Variants in DNASE1L3 observed in about 807,000 individuals in gnomAD.
DNASE1L3 encodes deoxyribonuclease gamma.
Under a neutral mutation model 30.9 loss-of-function variants are expected in DNASE1L3, and 27 were observed. The ratio of observed to expected loss-of-function variants is 0.87; its 90% CI spans 0.64 to 1.20. DNASE1L3 has a LOEUF of 1.20. Ranked by LOEUF, DNASE1L3 falls within the 50% of genes most tolerant of loss-of-function variation. The pLI, the probability that DNASE1L3 is intolerant of heterozygous loss-of-function variation, is 0.00. For missense variants in DNASE1L3, 364 were observed against 378.2 expected (o/e 0.96, Z 0.31); for synonymous variants, 135 against 138.0 (o/e 0.98, Z 0.15).
At chr3:58,207,441 A>AACCC (rs2097404761) in intron 2 of DNASE1L3, among the ~76,000 whole-genome samples, 1 of 33,802 alleles carries the variant, frequency 3.0e-5, no homozygotes, top group Non-Finnish European at 5.2e-5. Context: ...CTCTGATCAC[A>AACCC]CCCCCCCCCC....
rs371642019 is a variant in DNASE1L3 at position 58,199,563 on chromosome 3, G to T, written c.546+1434C>A. ...CACATGCCTGTAATCCCAGCTACTC[G>T]GGAGGCAGGAGAATCACTTGAACCC... is the stretch of plus-strand genomic sequence containing the variant. On this transcript the variant is annotated intron_variant, in intron 5 of 7. Transcript: ENST00000394549. 3.5e-4 allele frequency among the ~76,000 whole-genome samples: 53 copies of T among 152,154 alleles called. No individual in the cohort carries two copies. In the South Asian group the frequency reaches 3.9e-3, roughly 11 times the overall value.
At position 58,193,706 on chromosome 3, in the gene DNASE1L3, T is replaced by C. The variant is rs371026689; in HGVS notation, c.705-267A>G. 1.9e-4 allele frequency among the ~76,000 whole-genome samples: 29 copies of C among 152,354 alleles called. 1 individual carries two copies. Among genetic ancestry groups the C allele is most frequent in the Admixed American group, 1.3e-3 (20 of 15,300 alleles). ...TCTGGTGGAGTAGGAGAAGATTTTATATGACACACGCACACTATCCCACAC... is the reference window on the plus strand; with the variant it reads ...TCTGGTGGAGTAGGAGAAGATTTTACATGACACACGCACACTATCCCACAC... On this transcript the variant is annotated intron_variant, in intron 6 of 7. Coordinates refer to ENST00000394549, the MANE Select transcript of DNASE1L3 (RefSeq NM_004944.4).
intron 5 of DNASE1L3, among the ~76,000 whole-genome samples, chr3:58,198,834 G>A (rs1051374141): frequency 2.6e-5 from 4 of 152,152 alleles, no homozygotes; most frequent in African/African-American, 7.2e-5. Flanking sequence ...TTGTTTTGAA[G>A]TTGGAAACTT....
intron 2 of DNASE1L3, 60 bp from the exon 3 acceptor site, chr3:58,205,620 T>C: frequency 1.4e-6 from 2 of 1,413,304 alleles, no homozygotes; most frequent in Non-Finnish European, 2.0e-6. Flanking sequence ...ACTGTACATG[T>C]TCCTTTCTTT....
At chr3:58,208,549 C>T (rs545312731) in intron 1 of DNASE1L3, among the ~76,000 whole-genome samples, 12 of 152,062 alleles carry the variant, frequency 7.9e-5, no homozygotes, top group South Asian at 2.1e-4. Context: ...TAGAAAATGG[C>T]GGAGGCAGAA....
Position 58,209,066 on chromosome 3 carries a change from C to T in DNASE1L3, c.142-760G>A, listed in dbSNP as rs139672753. ...ACCAGCCTGGCCAACATGGTGAAAC[C>T]CGCCTCTACTAAAAATACAAAAATT... On this transcript the variant is annotated intron_variant, in intron 1 of 7. Coordinates refer to ENST00000394549, the MANE Select transcript of DNASE1L3 (RefSeq NM_004944.4). Among the ~76,000 whole-genome samples the T allele has an allele frequency of 4.8e-3, 737 of 152,262 alleles. 4 individuals are homozygous for T. Among genetic ancestry groups the T allele is most frequent in the African/African-American group, 0.017 (699 of 41,544 alleles).
At chr3:58,205,685 T>C (rs1371125868) in intron 2 of DNASE1L3, 125 bp from the exon 3 acceptor site, 1 of 767,666 alleles carries the variant, frequency 1.3e-6, no homozygotes, top group Non-Finnish European at 2.2e-6. Flanking sequence ...CTGTTCATCA[T>C]AACCTTTGAG....
At chr3:58,204,635 C>T (rs2097402803) in intron 4 of DNASE1L3, 134 bp downstream of exon 4, 1 of 700,324 alleles carries the variant, frequency 1.4e-6, no homozygotes, top group African/African-American at 1.8e-5. Flanking sequence ...ACTGCATCGT[C>T]TACATTGAAG....
chr3:58,208,933 T>C (rs2097405777), intron 1 of DNASE1L3, among the ~76,000 whole-genome samples: 1 of 152,250 alleles, frequency 6.6e-6, no homozygotes, highest in Admixed American at 6.5e-5. Flanking sequence ...AAGCCCACCA[T>C]GTTGAACTGT....
At chr3:58,207,704 C>G (rs1367951653) in intron 2 of DNASE1L3, 1 of 152,486 alleles carries the variant, frequency 6.6e-6, no homozygotes, top group Non-Finnish European at 1.5e-5. Context: ...CTCTGTGGCC[C>G]AGGCTGGAGT....
At chr3:58,198,420 A>G (rs2107371351) in intron 5 of DNASE1L3, among the ~76,000 whole-genome samples, 1 of 152,338 alleles carries the variant, frequency 6.6e-6, no homozygotes, top group Middle Eastern at 3.4e-3. Context: ...CAGAACGGTG[A>G]CGAACTCACT....
chr3:58,205,251 C>A (rs2097403162), intron 3 of DNASE1L3, among the ~76,000 whole-genome samples: 1 of 152,218 alleles, frequency 6.6e-6, no homozygotes, highest in African/African-American at 2.4e-5. Flanking sequence ...GGCCTGCCAA[C>A]CATGGAGCCA....
rs555664918 is a variant in DNASE1L3 at position 58,194,649 on chromosome 3, G to A, written c.705-1210C>T. Reference sequence around the variant, plus strand: ...GCTTTTTTTTTTCTTTTTTTGAGACGGAGTCTCTCTGTGTCACCCAGGCTA... The same window carrying A: ...GCTTTTTTTTTTCTTTTTTTGAGACAGAGTCTCTCTGTGTCACCCAGGCTA... On this transcript the variant is annotated intron_variant, in intron 6 of 7. Transcript: ENST00000394549. Among the ~76,000 whole-genome samples the A allele has an allele frequency of 5.2e-5, 7 of 135,656 alleles. 1 individual carries two copies. In the South Asian group the frequency reaches 9.3e-4, roughly 18 times the overall value. 89.0% of individuals were successfully genotyped at this position (135,656 alleles called of 152,430 possible).
intron 5 of DNASE1L3, among the ~76,000 whole-genome samples, chr3:58,199,464 A>C (rs9881384): frequency 1.3e-5 from 2 of 152,078 alleles, no homozygotes; most frequent in Non-Finnish European, 2.9e-5. Flanking sequence ...GAGGTCAGGC[A>C]TTCAAGACCA....
chr3:58,192,388 C>T lies in DNASE1L3; in HGVS notation c.*299G>A, dbSNP rs541557369. The T allele has an allele frequency of 6.8e-4, 144 of 210,872 alleles. No homozygotes were observed. Among genetic ancestry groups the T allele is most frequent in the African/African-American group, 3.2e-3 (139 of 42,970 alleles). 13.1% of individuals were successfully genotyped at this position (210,872 alleles called of 1,614,324 possible). On this transcript the variant is annotated 3_prime_UTR_variant, in exon 8 of 8. Transcript: ENST00000394549. The surrounding 1 kb of genome is among the most constrained non-coding windows in gnomAD (Gnocchi z 4.8). The stretch of plus-strand genomic sequence containing the variant: ...CGCTCTTCCTCCCCCTGCAGCCTCT[C>T]GCATGACAGGGTTGAGCAGGGCCAG...
At chr3:58,196,269 G>A (rs1575495656) in intron 6 of DNASE1L3, among the ~76,000 whole-genome samples, 1 of 152,146 alleles carries the variant, frequency 6.6e-6, no homozygotes, top group Non-Finnish European at 1.5e-5. Flanking sequence ...AACAGGCCGG[G>A]CATGGTGGCT....
chr3:58,196,470 G>A lies in DNASE1L3; in HGVS notation c.704+1351C>T, dbSNP rs533926687. On this transcript the variant is annotated intron_variant, in intron 6 of 7. Transcript: ENST00000394549. ...CGGGAGGCTGAGGCAGGAGAATGGC[G>A]TGAACCCGGGAGGCGGAGCTTGCAG... Among the ~76,000 whole-genome samples the A allele has an allele frequency of 5.6e-4, 84 of 149,530 alleles. 1 individual carries two copies. The highest frequency in any genetic ancestry group is 3.5e-3 in the Admixed American group (52 of 14,968).
At chr3:58,210,673 C>T in intron 1 of DNASE1L3, 93 bp downstream of exon 1, 1 of 1,580,204 alleles carries the variant, frequency 6.3e-7, no homozygotes, top group Non-Finnish European at 8.6e-7. Flanking sequence ...CCCCTAAGGG[C>T]CAACTTTAAG....
chr3:58,196,084 G>A (rs911012762), intron 6 of DNASE1L3, among the ~76,000 whole-genome samples: 1 of 152,042 alleles, frequency 6.6e-6, no homozygotes, highest in African/African-American at 2.4e-5. Context: ...ACCTACCCAC[G>A]GGCACACAAC....
Sources: allele counts gnomAD v4.1 joint callset (sites outside exome capture counted in the v4.1 genomes callset), GRCh38; gene constraint gnomAD v4.1.1; non-coding constraint Gnocchi (gnomAD v3.1); transcripts MANE v1.5; gene names NCBI Gene and HGNC (gene_info 2026-07-23, HGNC 2026-07-21).